Variants in JADE3 observed in about 807,000 individuals in gnomAD.
JADE3 encodes the protein protein Jade-3.
JADE3 carries 2 observed loss-of-function variants against 50.1 expected under a neutral mutation model. The ratio of observed to expected loss-of-function variants is 0.04; its 90% CI spans 0.02 to 0.13. JADE3 has a LOEUF of 0.13. JADE3 is among the 10% of genes least tolerant of loss of function. The pLI is 1.00. For missense variants in JADE3, 475 were observed against 634.4 expected (o/e 0.75, Z 2.70); for synonymous variants, 218 against 232.9 (o/e 0.94, Z 0.58).
chrX:46,998,314 A>G (rs1263581493), intron 4 of JADE3, 37 bp downstream of exon 4: 2 of 1,147,055 alleles, frequency 1.7e-6, no homozygotes, highest in African/African-American at 1.8e-5. Context: ...TAGGGAATGA[A>G]TGCTCTCATG....
At chrX:46,949,763 A>G (rs1556344342) in intron 1 of JADE3, among the ~76,000 whole-genome samples, 1 of 111,565 alleles carries the variant, frequency 9.0e-6, no homozygotes, top group East Asian at 2.8e-4. Context: ...TCCTATTCTG[A>G]TTTCTGTCAC....
chrX:47,053,456 G>T (rs1053381167), intron 8 of JADE3, among the ~76,000 whole-genome samples: 1 of 110,340 alleles, frequency 9.1e-6, no homozygotes, highest in South Asian at 3.9e-4. Context: ...ACAGGGTTTC[G>T]CCATGTTGCC....
intron 8 of JADE3, among the ~76,000 whole-genome samples, chrX:47,048,397 A>G (rs1398974236): frequency 8.9e-6 from 1 of 112,271 alleles, no homozygotes; most frequent in East Asian, 2.8e-4. Context: ...CTGCTGCATG[A>G]ATTTTCATAG....
At chrX:47,033,373 G>T (rs73484303) in intron 6 of JADE3, among the ~76,000 whole-genome samples, 2,125 of 112,069 alleles carry the variant, frequency 0.019, 60 homozygotes, top group African/African-American at 0.064. Context: ...ACGGTTGGCT[G>T]TATCTCCTCG....
intron 8 of JADE3, among the ~76,000 whole-genome samples, 189 bp downstream of exon 8, chrX:47,039,254 T>C (rs782270553): frequency 9.0e-6 from 1 of 111,709 alleles, no homozygotes; most frequent in Non-Finnish European, 1.9e-5. Flanking sequence ...ATTCAGCTTA[T>C]TCTTTTCAAT....
chrX:46,948,407 A>G (rs1225732178), intron 1 of JADE3, among the ~76,000 whole-genome samples: 1 of 112,133 alleles, frequency 8.9e-6, no homozygotes, highest in African/African-American at 3.3e-5. Context: ...ATGCTAACTC[A>G]TGAAATTCTG....
At chrX:46,965,214 T>A (rs782769924) in intron 1 of JADE3, among the ~76,000 whole-genome samples, 5 of 110,903 alleles carry the variant, frequency 4.5e-5, no homozygotes, top group South Asian at 3.8e-4. Context: ...ATTAAAACAT[T>A]CAGTGAATGG....
chrX:46,945,553 A>G (rs951791210), intron 1 of JADE3, among the ~76,000 whole-genome samples: 6 of 111,275 alleles, frequency 5.4e-5, no homozygotes, highest in Non-Finnish European at 9.4e-5. Flanking sequence ...CCACTCATGC[A>G]GTACTCAACT....
In JADE3 at chrX:46,935,677, C is replaced by A. The variant is rs782590210; in HGVS notation, c.-12+22958C>A. Among the ~76,000 whole-genome samples, 7 of 110,538 alleles carry A rather than the reference C, an allele frequency of 6.3e-5. No homozygotes were observed. The East Asian group carries it at 2.0e-3, about 31-fold the overall frequency. On this transcript the variant is annotated intron_variant, in intron 1 of 10. Coordinates refer to ENST00000614628, the MANE Select transcript of JADE3 (RefSeq NM_014735.5). ...TTCATCTGGAAAATCATCCTCCCTTCCCCCGTCCGTGGAAAATTGAAACCT... is the reference window on the plus strand; with the variant it reads ...TTCATCTGGAAAATCATCCTCCCTTACCCCGTCCGTGGAAAATTGAAACCT...
intron 1 of JADE3, among the ~76,000 whole-genome samples, chrX:46,965,474 T>C (rs1047793995): frequency 1.8e-5 from 2 of 111,327 alleles, no homozygotes; most frequent in Admixed American, 1.9e-4. Context: ...TTGATAATAT[T>C]AGTGGTTAAA....
chrX:47,007,773 TTAA>T (rs782147298), intron 4 of JADE3, among the ~76,000 whole-genome samples: 1 of 109,425 alleles, frequency 9.1e-6, no homozygotes, highest in Admixed American at 9.9e-5. Context: ...GATGCAATTA[TTAA>T]TATGTTAGGA....
rs1025859766 is a variant in JADE3 at position 47,048,611 on chromosome X, T to C, written c.973-5547T>C. 6.3e-5 allele frequency among the ~76,000 whole-genome samples: 7 copies of C among 111,983 alleles called. No individual in the cohort carries two copies. The Admixed American group carries it at 6.7e-4, about 11-fold the overall frequency. ...CCACATATTGTTGTAATTCCACTTATATGAAATGTCCAGAATAGGCACATC... is the reference window on the plus strand; with the variant it reads ...CCACATATTGTTGTAATTCCACTTACATGAAATGTCCAGAATAGGCACATC... On this transcript the variant is annotated intron_variant, in intron 8 of 10. Transcript: ENST00000614628.
intron 4 of JADE3, among the ~76,000 whole-genome samples, chrX:47,017,949 G>C (rs1160990206): frequency 8.9e-6 from 1 of 112,138 alleles, no homozygotes; most frequent in African/African-American, 3.2e-5. Context: ...AGCTTTAGCT[G>C]ATAGAAAAAT....
intron 1 of JADE3, among the ~76,000 whole-genome samples, chrX:46,970,890 C>T (rs1208280272): frequency 9.0e-6 from 1 of 111,294 alleles, no homozygotes; most frequent in Non-Finnish European, 1.9e-5. Flanking sequence ...CAACTCACAG[C>T]AGCAGATAAA....
chrX:47,033,080 A>T (rs1014769454), intron 6 of JADE3, among the ~76,000 whole-genome samples: 5 of 112,189 alleles, frequency 4.5e-5, no homozygotes, highest in Non-Finnish European at 9.4e-5. Context: ...AGATTCATTC[A>T]CAAGTCCCTG....
rs556982074 is a variant in JADE3 at position 46,917,590 on chromosome X, A to G, written c.-12+4871A>G. Among the ~76,000 whole-genome samples the G allele has an allele frequency of 6.3e-5, 7 of 110,934 alleles. No homozygotes were observed. In the South Asian group the frequency reaches 2.7e-3, roughly 43 times the overall value. ...AGAGAAGGGATTGCCAGGCAGGGGTAGCAGCAGGTGTTGTGAGGGCACTGA... is the reference window on the plus strand; with the variant it reads ...AGAGAAGGGATTGCCAGGCAGGGGTGGCAGCAGGTGTTGTGAGGGCACTGA... On this transcript the variant is annotated intron_variant, in intron 1 of 10. Transcript: ENST00000614628.
In JADE3 at chrX:47,056,210, T is replaced by TCA; in HGVS notation, c.1561+11_1561+12insCA. 1 of 975,596 alleles carries TCA rather than the reference T, an allele frequency of 1.0e-6. No individual in the cohort carries two copies. Among genetic ancestry groups the TCA allele is most frequent in the Non-Finnish European group, 1.5e-6 (1 of 682,183 alleles). The allele number at this position is 975,596 out of a possible 1,213,427, so 80.4% of individuals were successfully genotyped here. A position where few individuals can be genotyped will look rare whatever the true frequency, so the allele number is the denominator to read the frequency against. ...AAGAAATTGATGCAGGTAACCTGTA[T>TCA]ATTTAAAATGTCCTAACAAATATGT... On this transcript the variant is annotated intron_variant, in intron 10 of 10. Coordinates refer to ENST00000614628, the MANE Select transcript of JADE3 (RefSeq NM_014735.5).
intron 1 of JADE3, among the ~76,000 whole-genome samples, chrX:46,943,197 T>C (rs1926802549): frequency 8.9e-6 from 1 of 111,946 alleles, no homozygotes; most frequent in Admixed American, 9.5e-5. Context: ...TATTTTTTTC[T>C]CTTGCCTAAT....
intron 1 of JADE3, among the ~76,000 whole-genome samples, chrX:46,975,238 A>G (rs1244437258): frequency 8.9e-6 from 1 of 112,485 alleles, no homozygotes; most frequent in Non-Finnish European, 1.9e-5. Flanking sequence ...GGCCACTTTT[A>G]TAGTTTCAAT....
Sources: gnomAD v4.1 joint callset for allele counts (sites outside exome capture counted in the v4.1 genomes callset) on GRCh38, gnomAD v4.1.1 for gene constraint, MANE v1.5 for transcripts, NCBI Gene and HGNC (gene_info 2026-07-23, HGNC 2026-07-21) for gene names.